The following SH2B3 variants were observed in gnomAD, a reference collection of about 807,000 sequenced individuals.
The protein encoded by SH2B3 is SH2B adaptor protein 3, also known as SH2B adapter protein 3.
Under a neutral mutation model 51.9 loss-of-function variants are expected in SH2B3, and 43 were observed. The ratio of observed to expected loss-of-function variants is 0.83; its 90% confidence interval spans 0.65 to 1.07. The LOEUF (loss-of-function observed/expected upper bound fraction) is 1.07. Ranked by LOEUF, SH2B3 falls within the 50% of genes least tolerant of loss-of-function variation. The probability of loss-of-function intolerance (pLI) is 0.00; values close to 1 mark genes in which losing one functional copy is unlikely to be tolerated. For synonymous variants in SH2B3, 396 were observed against 376.0 expected (o/e 1.05, Z -0.62); for missense variants, 952 against 834.3 (o/e 1.14, Z -1.74).
Position 111,425,115 on chromosome 12 carries a change from G to A in SH2B3, c.732+6238G>A, listed in dbSNP as rs551979110. Among the ~76,000 whole-genome samples, 3 of 152,136 alleles carry A rather than the reference G, an allele frequency of 2.0e-5. No individual in the cohort carries two copies. The East Asian group carries it at 5.8e-4, about 29-fold the overall frequency. On this transcript the variant is annotated intron_variant, in intron 2 of 7. Transcript: ENST00000341259. ...TCACCTGCAGTTGGGCCCCAGCTCT[G>A]CCCCCGACCTGCTGTGTGACCGCGG...
At chr12:111,428,195 C>T (rs1872163098) in intron 2 of SH2B3, among the ~76,000 whole-genome samples, 1 of 152,242 alleles carries the variant, frequency 6.6e-6, no homozygotes, top group African/African-American at 2.4e-5. Flanking sequence ...GCCAGCGCCC[C>T]TCACCTGGCA....
rs1189359287 is a variant in SH2B3, at chr12:111,418,223, G to T, written c.78G>T (p.Trp26Cys). ...SASPAAAPRG[W>C]SEFCELHAVA... ...CCCCGGCGGCGGCCCCGCGGGGCTG[G>T]AGCGAGTTCTGTGAGTTGCACGCCG... Residue 26 changes from tryptophan to cysteine, a missense_variant, in exon 2 of 8, where the codon TGG becomes TGT. Trp to Cys is a radical substitution (Grantham distance 215, BLOSUM62 -2). Transcript: ENST00000341259. This position sits in a 1 kb window ranked among gnomAD's most constrained non-coding sequence, Gnocchi z 6.7. 2.5e-6 allele frequency: 4 copies of T among 1,582,166 alleles called. No individual in the cohort carries two copies. The highest frequency in any genetic ancestry group is 3.4e-6 in the Non-Finnish European group (4 of 1,173,478).
chr12:111,447,724 G>C lies in SH2B3; in HGVS notation c.1305G>C (p.Val435=). 1.2e-6 allele frequency: 2 copies of C among 1,614,040 alleles called. No homozygotes were observed. Among genetic ancestry groups the C allele is most frequent in the African/African-American group, 1.3e-5 (1 of 75,048 alleles). Residue 435 remains valine (V), a synonymous_variant, in exon 7 of 8, where the codon GTG becomes GTC. Coordinates refer to ENST00000341259, the MANE Select transcript of SH2B3 (RefSeq NM_005475.3). ...RVQHLHFPSV[V]DMLHHFQRSP... is the part of the protein sequence containing the mutation. ...AGCACCTCCACTTTCCCTCGGTCGT[G>C]GACATGCTCCACCACTTCCAGCGCT...
At chr12:111,437,855 TCATC>T (rs1415653125) in intron 2 of SH2B3, among the ~76,000 whole-genome samples, 1 of 152,140 alleles carries the variant, frequency 6.6e-6, no homozygotes. Context: ...ACCCAAGTGC[TCATC>T]CATCCATCCA....
rs981960880 is a variant in SH2B3 at position 111,431,490 on chromosome 12, GA to G, written c.732+12624del. Among the ~76,000 whole-genome samples the G allele has an allele frequency of 5.2e-4, 75 of 142,872 alleles. No individual in the cohort carries two copies. The East Asian group carries it at 7.2e-3, about 14-fold the overall frequency. The allele number at this position is 142,872 out of a possible 152,430, so 93.7% of individuals were successfully genotyped here. On this transcript the variant is annotated intron_variant, in intron 2 of 7. Coordinates refer to ENST00000341259, the MANE Select transcript of SH2B3 (RefSeq NM_005475.3). The stretch of plus-strand genomic sequence containing the variant: ...AAGCTCATGGCAGAAACTATTTAAA[GA>G]AAAAAAAAAACAGTAACAGAAAAAC...
Position 111,435,469 on chromosome 12 carries a change from T to C in SH2B3, c.733-11284T>C, listed in dbSNP as rs994660569. 2.0e-5 allele frequency among the ~76,000 whole-genome samples: 3 copies of C among 152,360 alleles called. No individual in the cohort carries two copies. ...TCCGCCTCCCAGGTTCAGGTGATTCTCGTGCCTCAGCCTCCTGAGTAGCTG... is the reference window on the plus strand; with the variant it reads ...TCCGCCTCCCAGGTTCAGGTGATTCCCGTGCCTCAGCCTCCTGAGTAGCTG... On this transcript the variant is annotated intron_variant, in intron 2 of 7. Transcript: ENST00000341259. This position sits in a 1 kb window ranked among gnomAD's most constrained non-coding sequence, Gnocchi z 4.8.
At chr12:111,424,739 C>T (rs1424446486) in intron 2 of SH2B3, among the ~76,000 whole-genome samples, 1 of 152,138 alleles carries the variant, frequency 6.6e-6, no homozygotes, top group African/African-American at 2.4e-5. Context: ...AATCTGTGTC[C>T]AGGTGATGGG....
In SH2B3 at chr12:111,446,791, C is replaced by T; in HGVS notation, c.771C>T (p.Ile257=). ...AGCTACAAGCAGCTTGCTCCAGCAT[C>T]CAGGAGGTCCGGTGGTGCACACGGC... ...RPKLQAACSS[I]QEVRWCTRLE... The change falls in exon 3 of 8, where the codon ATC becomes ATT. Residue 257 remains isoleucine, a synonymous_variant. Coordinates refer to ENST00000341259, the MANE Select transcript of SH2B3 (RefSeq NM_005475.3). The T allele has an allele frequency of 6.4e-7, 1 of 1,563,662 alleles. No individual in the cohort carries two copies. The highest frequency in any genetic ancestry group is 8.7e-7 in the Non-Finnish European group (1 of 1,152,000).
chr12:111,445,354 T>C (rs1873841492), intron 2 of SH2B3, among the ~76,000 whole-genome samples: 1 of 152,194 alleles, frequency 6.6e-6, no homozygotes, highest in Non-Finnish European at 1.5e-5. Flanking sequence ...TCTGCAGGGC[T>C]GGCTGGCTGT....
chr12:111,447,896 A>G, intron 7 of SH2B3, 69 bp downstream of exon 7: 1 of 1,564,008 alleles, frequency 6.4e-7, no homozygotes, highest in East Asian at 2.3e-5. Flanking sequence ...CTTGCTGCAG[A>G]CCCAGGGGTA....
Position 111,446,963 on chromosome 12 carries a change from A to C in SH2B3, c.856A>C (p.Ile286Leu). The C allele has an allele frequency of 6.2e-7, 1 of 1,613,978 alleles. No homozygotes were observed. The highest frequency in any genetic ancestry group is 8.5e-7 in the Non-Finnish European group (1 of 1,179,946). The change falls in exon 4 of 8, where the codon ATC becomes CTC. Residue 286 changes from isoleucine (I) to leucine (L), a missense_variant. By Grantham distance (5) the Ile-to-Leu change is conservative. Transcript: ENST00000341259. ...CCAGGTGAAGGACCGGACAGACATC[A>C]TCTTTGAGGTGGGAGACGAGCAGCA... ...VLKVKDRTDI[I>L]FEVGDEQQLN... is the part of the protein sequence containing the mutation.
chr12:111,439,638 G>C (rs924188532), intron 2 of SH2B3, among the ~76,000 whole-genome samples: 4 of 152,226 alleles, frequency 2.6e-5, no homozygotes, highest in African/African-American at 9.6e-5. Flanking sequence ...GAGTGCAGTG[G>C]CACCATCATA....
chr12:111,439,434 G>A (rs184370635), intron 2 of SH2B3, among the ~76,000 whole-genome samples: 1 of 152,284 alleles, frequency 6.6e-6, no homozygotes, highest in East Asian at 1.9e-4. Context: ...ACAGGTGTGA[G>A]CCACCGCACC....
intron 1 of SH2B3, among the ~76,000 whole-genome samples, chr12:111,416,960 C>T (rs1463798691): frequency 6.6e-6 from 1 of 152,214 alleles, no homozygotes; most frequent in Non-Finnish European, 1.5e-5. Flanking sequence ...TCTGCCAGAC[C>T]TTTCTTGCCC....
intron 2 of SH2B3, among the ~76,000 whole-genome samples, chr12:111,421,976 C>G (rs1037464517): frequency 6.6e-6 from 1 of 152,238 alleles, no homozygotes; most frequent in African/African-American, 2.4e-5. Context: ...CAGACTTTTC[C>G]CAAAGCAGCT....
At chr12:111,440,089 C>T (rs1007862827) in intron 2 of SH2B3, among the ~76,000 whole-genome samples, 6 of 152,224 alleles carry the variant, frequency 3.9e-5, no homozygotes, top group East Asian at 1.9e-4. Context: ...CCAGCTCAGA[C>T]GCCGGTGGGT....
At chr12:111,425,137 G>A (rs1046321590) in intron 2 of SH2B3, among the ~76,000 whole-genome samples, 16 of 152,246 alleles carry the variant, frequency 1.1e-4, no homozygotes, top group African/African-American at 3.6e-4. Flanking sequence ...CTGTGTGACC[G>A]CGGGCCTGTG....
chr12:111,440,999 TAGAA>T (rs1369975404), intron 2 of SH2B3, among the ~76,000 whole-genome samples: 2 of 152,156 alleles, frequency 1.3e-5, no homozygotes, highest in Non-Finnish European at 2.9e-5. Flanking sequence ...TATCCCACCT[TAGAA>T]AATGCAGACT....
intron 2 of SH2B3, chr12:111,444,594 G>C: frequency 4.1e-6 from 1 of 241,436 alleles, no homozygotes; most frequent in Non-Finnish European, 6.7e-6. Flanking sequence ...ACTTTTGAGG[G>C]AGGTGGAATA....
Sources: allele counts gnomAD v4.1 joint callset (sites outside exome capture counted in the v4.1 genomes callset), GRCh38; gene constraint gnomAD v4.1.1; non-coding constraint Gnocchi (gnomAD v3.1); transcripts MANE v1.5; gene names NCBI Gene and HGNC (gene_info 2026-07-23, HGNC 2026-07-21).